Variants in CSNK2A2IP observed in about 807,000 individuals in gnomAD.
CSNK2A2IP encodes casein kinase II subunit alpha'-interacting protein.
At chr3:88,461,444 T>G in the CSNK2A2IP span, among the ~76,000 whole-genome samples, 2 of 152,022 alleles carry the variant, frequency 1.3e-5, no homozygotes, top group Non-Finnish European at 2.9e-5. Context: ...TCCCAGCTAC[T>G]CGTGAGGCTG....
chr3:88,379,760 T>C, the CSNK2A2IP span, among the ~76,000 whole-genome samples: 7 of 152,136 alleles, frequency 4.6e-5, no homozygotes, highest in Non-Finnish European at 8.8e-5. Flanking sequence ...AGGCCAATCA[T>C]GACAACATTT....
the CSNK2A2IP span, among the ~76,000 whole-genome samples, chr3:88,433,459 A>G: frequency 1.3e-5 from 2 of 152,158 alleles, no homozygotes; most frequent in Non-Finnish European, 2.9e-5. Flanking sequence ...TTTTGTACAC[A>G]TAAGTTCCTT....
At chr3:88,437,645 T>C in the CSNK2A2IP span, among the ~76,000 whole-genome samples, 6 of 152,172 alleles carry the variant, frequency 3.9e-5, no homozygotes, top group Non-Finnish European at 7.4e-5. Flanking sequence ...AAATGAGAAA[T>C]ACTAATTAAA....
chr3:88,394,146 C>G, the CSNK2A2IP span, among the ~76,000 whole-genome samples: 2,621 of 152,218 alleles, frequency 0.017, 58 homozygotes, highest in East Asian at 0.076. Context: ...TGTATAAAGA[C>G]AAGTGCAGAC....
chr3:88,379,642 A>T, the CSNK2A2IP span, among the ~76,000 whole-genome samples: 1 of 152,104 alleles, frequency 6.6e-6, no homozygotes, highest in Admixed American at 6.6e-5. Flanking sequence ...AAAATACAAA[A>T]GATAATGTAC....
chr3:88,445,811 TG>T, the CSNK2A2IP span, among the ~76,000 whole-genome samples: 8 of 152,136 alleles, frequency 5.3e-5, no homozygotes, highest in African/African-American at 1.7e-4. Flanking sequence ...CACAAGAAAC[TG>T]ATTAGCAAGA....
the CSNK2A2IP span, among the ~76,000 whole-genome samples, chr3:88,384,302 G>A: frequency 6.6e-6 from 1 of 151,834 alleles, no homozygotes; most frequent in Non-Finnish European, 1.5e-5. Flanking sequence ...TTGATTGGGT[G>A]GTAAGGGACT....
At chr3:88,429,629 G>A in the CSNK2A2IP span, among the ~76,000 whole-genome samples, 123,447 of 152,134 alleles carry the variant, frequency 0.81, 50,764 homozygotes, top group Non-Finnish European at 0.88. Flanking sequence ...GGCCTGGATT[G>A]CAGCTTTTCC....
At chr3:88,355,674 T>A in the CSNK2A2IP span, among the ~76,000 whole-genome samples, 8 of 152,190 alleles carry the variant, frequency 5.3e-5, no homozygotes, top group Admixed American at 5.2e-4. Context: ...TATTTGAATA[T>A]TTGAGGAATT....
chr3:88,422,384 A>T, the CSNK2A2IP span, among the ~76,000 whole-genome samples: 13 of 152,216 alleles, frequency 8.5e-5, no homozygotes, highest in African/African-American at 1.7e-4. Flanking sequence ...GGCCTGGTAC[A>T]TAGTGAATAC....
the CSNK2A2IP span, among the ~76,000 whole-genome samples, chr3:88,358,537 T>A: frequency 1.3e-5 from 2 of 150,048 alleles, no homozygotes; most frequent in Non-Finnish European, 3.0e-5. Context: ...GTTTTTTTTT[T>A]AATCATGAAA....
the CSNK2A2IP span, among the ~76,000 whole-genome samples, chr3:88,449,870 T>G: frequency 0.1 from 8,533 of 81,516 alleles, 816 homozygotes; most frequent in African/African-American, 0.12. Flanking sequence ...TATATATATA[T>G]ATATAGAGAG....
At chr3:88,398,058 G>C in the CSNK2A2IP span, among the ~76,000 whole-genome samples, 5 of 152,032 alleles carry the variant, frequency 3.3e-5, no homozygotes, top group Non-Finnish European at 7.4e-5. Flanking sequence ...GAAAAAATAT[G>C]ATTTCCTATA....
chr3:88,375,022 C>A, the CSNK2A2IP span, among the ~76,000 whole-genome samples: 1 of 151,554 alleles, frequency 6.6e-6, no homozygotes, highest in African/African-American at 2.4e-5. Context: ...ATAAAATTAC[C>A]GGCAAGAAAG....
chr3:88,354,393 T>A, the CSNK2A2IP span, among the ~76,000 whole-genome samples: 2 of 152,222 alleles, frequency 1.3e-5, no homozygotes, highest in Non-Finnish European at 2.9e-5. Flanking sequence ...TACTATTTTT[T>A]AAATCTGTAT....
chr3:88,389,395 G>T, the CSNK2A2IP span, among the ~76,000 whole-genome samples: 5 of 152,258 alleles, frequency 3.3e-5, no homozygotes, highest in East Asian at 9.7e-4. Context: ...TTGAGGAACC[G>T]CTGGAAAGCT....
At chr3:88,454,808 C>A in the CSNK2A2IP span, among the ~76,000 whole-genome samples, 1 of 151,842 alleles carries the variant, frequency 6.6e-6, no homozygotes, top group South Asian at 2.1e-4. Flanking sequence ...GAGAACACAT[C>A]AGAAATACTT....
the CSNK2A2IP span, among the ~76,000 whole-genome samples, chr3:88,416,522 C>G: frequency 6.6e-6 from 1 of 152,058 alleles, no homozygotes; most frequent in East Asian, 1.9e-4. Context: ...AATTAAGAGG[C>G]AGTGAGAGAT....
chr3:88,351,691 A>G, the CSNK2A2IP span, among the ~76,000 whole-genome samples: 451 of 152,264 alleles, frequency 3.0e-3, 2 homozygotes, highest in Non-Finnish European at 5.2e-3. Context: ...TGTCCAACAC[A>G]AAGCAACACT....
Sources: allele counts gnomAD v4.1 joint callset (sites outside exome capture counted in the v4.1 genomes callset), GRCh38; gene constraint gnomAD v4.1.1; transcripts MANE v1.5; gene names NCBI Gene and HGNC (gene_info 2026-07-23, HGNC 2026-07-21).